Variants in SENP2 observed in about 807,000 individuals in gnomAD.
The protein encoded by SENP2 is sentrin-specific protease 2.
A neutral mutation model predicts 86.3 loss-of-function variants in SENP2; 16 were observed. The ratio of observed to expected loss-of-function variants is 0.19; its 90% CI spans 0.13 to 0.28. The LOEUF (loss-of-function observed/expected upper bound fraction) is 0.28. SENP2 is among the 10% of genes least tolerant of loss of function. SENP2 has a pLI of 1.00. For synonymous variants in SENP2, 222 were observed against 238.7 expected, an observed-to-expected ratio of 0.93 and a Z score of 0.64; for missense variants, 552 against 703.0, an observed-to-expected ratio of 0.79 and a Z score of 2.43.
chr3:185,609,129 T>C (rs527862950), intron 6 of SENP2, 118 bp from the exon 7 acceptor site: 36 of 638,044 alleles, frequency 5.6e-5, no homozygotes, highest in Non-Finnish European at 6.7e-5. Flanking sequence ...AGTAATTAAT[T>C]CAAAGAAATA....
Position 185,626,389 on chromosome 3 carries a change from C to G in SENP2, c.1703C>G (p.Thr568Ser), listed in dbSNP as rs1377891730. The G allele has an allele frequency of 6.3e-7, 1 of 1,598,854 alleles. No homozygotes were observed. The highest frequency in any genetic ancestry group is 1.3e-5 in the African/African-American group (1 of 74,634). The change falls in exon 16 of 17, where the codon ACT becomes AGT. Residue 568 changes from threonine (T) to serine (S), a missense_variant. This residue lies in a region of SENP2 where 169 missense variants were observed against 275.7 expected (regional missense o/e 0.61). Coordinates refer to ENST00000296257, the MANE Select transcript of SENP2 (RefSeq NM_021627.3). ...TCTAGGGACAAACCTATCACATTTA[C>G]TCAGGTGAGTGAAGACCCTCTTCAT... Reference protein sequence around the residue: ...YISRDKPITFTQHQMPLFRKK... With the variant: ...YISRDKPITFSQHQMPLFRKK...
At position 185,632,589 on chromosome 3, in the gene SENP2, A is replaced by C. The variant is rs1235616942; in HGVS notation, c.*2745A>C. ...GCCCAGGCTGGAGTGCAATGGCGCT[A>C]TCTCAGCTCACTGCAACCCCCACCT... On this transcript the variant is annotated 3_prime_UTR_variant, in exon 17 of 17. Coordinates refer to ENST00000296257, the MANE Select transcript of SENP2 (RefSeq NM_021627.3). 1 of 152,170 alleles carries C rather than the reference A, an allele frequency of 6.6e-6. No homozygotes were observed. The highest frequency in any genetic ancestry group is 3.3e-3 in the Middle Eastern group (1 of 300). The allele number at this position is 152,170 out of a possible 1,614,324, so 9.4% of individuals were successfully genotyped here.
At chr3:185,597,802 C>T (rs1017820368) in intron 2 of SENP2, among the ~76,000 whole-genome samples, 4 of 151,732 alleles carry the variant, frequency 2.6e-5, no homozygotes, top group South Asian at 4.2e-4. Flanking sequence ...TATAGGGATG[C>T]GCCACCACGC....
intron 2 of SENP2, among the ~76,000 whole-genome samples, chr3:185,591,619 G>C (rs993440743): frequency 4.6e-5 from 7 of 152,176 alleles, no homozygotes; most frequent in Non-Finnish European, 8.8e-5. Context: ...CCAAAGTGCT[G>C]GGATTACAGG....
At chr3:185,614,770 A>G in intron 11 of SENP2, 30 bp downstream of exon 11, 1 of 1,599,210 alleles carries the variant, frequency 6.3e-7, no homozygotes, top group Admixed American at 1.8e-5. Flanking sequence ...TCCTAAAAAG[A>G]GGCATGTCTT....
Position 185,611,760 on chromosome 3 carries a change from TTAGCCTTGTCTTAATA to T in SENP2, c.817+18_817+33del. 6.3e-7 allele frequency: 1 copy of T among 1,581,938 alleles called. No homozygotes were observed. The highest frequency in any genetic ancestry group is 8.7e-7 in the Non-Finnish European group (1 of 1,153,476). On this transcript the variant is annotated intron_variant, in intron 8 of 16. Coordinates refer to ENST00000296257, the MANE Select transcript of SENP2 (RefSeq NM_021627.3). ...TCCAAAACAATGTGAGTTCCCAGAT[TTAGCCTTGTCTTAATA>T]TATTGACCTTAGTTCATGCTACAGT... is the stretch of plus-strand genomic sequence containing the variant.
In SENP2 at chr3:185,624,606, T is replaced by C. The variant is rs572999127; in HGVS notation, c.1611+524T>C. Reference sequence around the variant, plus strand: ...ACTGAAAAGTTTGGGCCAGGCGCGGTGGCTCACACTTGTAATCCCAGCACT... The same window carrying C: ...ACTGAAAAGTTTGGGCCAGGCGCGGCGGCTCACACTTGTAATCCCAGCACT... On this transcript the variant is annotated intron_variant, in intron 15 of 16. Coordinates refer to ENST00000296257, the MANE Select transcript of SENP2 (RefSeq NM_021627.3). 4.2e-3 allele frequency among the ~76,000 whole-genome samples: 642 copies of C among 152,060 alleles called. 6 individuals carry two copies. The highest frequency in any genetic ancestry group is 0.015 in the African/African-American group (605 of 41,520).
intron 7 of SENP2, among the ~76,000 whole-genome samples, chr3:185,610,966 T>G (rs1722669825): frequency 6.7e-6 from 1 of 149,026 alleles, no homozygotes; most frequent in Non-Finnish European, 1.5e-5. Context: ...TCAAAATAAA[T>G]AAATAAATAA....
intron 7 of SENP2, among the ~76,000 whole-genome samples, chr3:185,610,154 CTT>C (rs557832407): frequency 0.063 from 7,191 of 114,226 alleles, 189 homozygotes; most frequent in South Asian, 0.24. Flanking sequence ...TATTATCTAG[CTT>C]TTTTTTTTTT....
intron 1 of SENP2, among the ~76,000 whole-genome samples, chr3:185,587,619 T>C (rs996780749): frequency 1.4e-5 from 2 of 145,698 alleles, no homozygotes; most frequent in African/African-American, 5.1e-5. Context: ...CAGGCTGGAG[T>C]GCAGTGGCGC....
chr3:185,617,342 A>T (rs1367390268), intron 11 of SENP2, 138 bp from the exon 12 acceptor site: 2 of 542,522 alleles, frequency 3.7e-6, no homozygotes, highest in Non-Finnish European at 6.3e-6. Flanking sequence ...ACTGTAGTTT[A>T]GTAGGTCTTT....
At chr3:185,628,550 A>G (rs1712256883) in intron 16 of SENP2, among the ~76,000 whole-genome samples, 1 of 152,212 alleles carries the variant, frequency 6.6e-6, no homozygotes, top group South Asian at 2.1e-4. Flanking sequence ...CTTGTTGCCC[A>G]GGCTGGAGTG....
chr3:185,622,855 A>G (rs1711954083), intron 14 of SENP2, among the ~76,000 whole-genome samples: 2 of 116,570 alleles, frequency 1.7e-5, no homozygotes, highest in South Asian at 5.2e-4. Flanking sequence ...ATGGAGTCTC[A>G]TTGTGTCACC....
In SENP2 at chr3:185,633,326, C is replaced by T. The variant is rs879532263; in HGVS notation, c.*3482C>T. On this transcript the variant is annotated 3_prime_UTR_variant, in exon 17 of 17. Transcript: ENST00000296257. ...TAGCTTTTGTGAACTGATTGGGAAC[C>T]TAATCTCTTTTGTAACTGTTTGAGA... The T allele has an allele frequency of 6.6e-6, 1 of 152,156 alleles. No homozygotes were observed. The highest frequency in any genetic ancestry group is 1.5e-5 in the Non-Finnish European group (1 of 68,024). The allele number at this position is 152,156 out of a possible 1,614,324, so 9.4% of individuals were successfully genotyped here. A position where few individuals can be genotyped will look rare whatever the true frequency, so the allele number is the denominator to read the frequency against.
chr3:185,632,987 G>A lies in SENP2; in HGVS notation c.*3143G>A, dbSNP rs1712561012. 6.6e-6 allele frequency: 1 copy of A among 152,200 alleles called. No individual in the cohort carries two copies. Among genetic ancestry groups the A allele is most frequent in the Non-Finnish European group, 1.5e-5 (1 of 68,040 alleles). The allele number at this position is 152,200 out of a possible 1,614,324, so 9.4% of individuals were successfully genotyped here. On this transcript the variant is annotated 3_prime_UTR_variant, in exon 17 of 17. Transcript: ENST00000296257. ...TTGACCTTGAACAGAGCTGGATGGG[G>A]GTGGGAGGGAAACAGATTTGGGGCA...
At position 185,612,589 on chromosome 3, in the gene SENP2, T is replaced by C; in HGVS notation, c.818-18T>C. 1 of 1,585,098 alleles carries C rather than the reference T, an allele frequency of 6.3e-7. No individual in the cohort carries two copies. On this transcript the variant is annotated intron_variant, in intron 8 of 16. Transcript: ENST00000296257. Reference sequence around the variant, plus strand: ...TCGATGAAGGAAACATTTAATCTTTTCTTTACCATCCTCACAGATAGACTT... The same window carrying C: ...TCGATGAAGGAAACATTTAATCTTTCCTTTACCATCCTCACAGATAGACTT...
rs143767358 is a variant in SENP2 at position 185,589,892 on chromosome 3, C to T, written c.102-222C>T. On this transcript the variant is annotated intron_variant, in intron 1 of 16. Coordinates refer to ENST00000296257, the MANE Select transcript of SENP2 (RefSeq NM_021627.3). ...CTTTGTTGCCCAGGCTGATGTCAAA[C>T]TCCAAGGCTCAAGCGATCCTCCCCC... Among the ~76,000 whole-genome samples the T allele has an allele frequency of 4.5e-3, 683 of 152,210 alleles. 6 individuals are homozygous for T. Among genetic ancestry groups the T allele is most frequent in the African/African-American group, 0.015 (630 of 41,544 alleles).
At position 185,595,903 on chromosome 3, in the gene SENP2, C is replaced by T. The variant is rs550164806; in HGVS notation, c.158-2509C>T. On this transcript the variant is annotated intron_variant, in intron 2 of 16. Coordinates refer to ENST00000296257, the MANE Select transcript of SENP2 (RefSeq NM_021627.3). Reference sequence around the variant, plus strand: ...GCAACCTCTACCTCCCGGGTTCCAACGATTCTTCTGCTTTAGCCTCCCAAG... The same window carrying T: ...GCAACCTCTACCTCCCGGGTTCCAATGATTCTTCTGCTTTAGCCTCCCAAG... 1.4e-3 allele frequency among the ~76,000 whole-genome samples: 217 copies of T among 151,174 alleles called. 1 individual carries two copies. The highest frequency in any genetic ancestry group is 5.1e-3 in the African/African-American group (209 of 41,166).
intron 13 of SENP2, among the ~76,000 whole-genome samples, chr3:185,620,455 G>GT: frequency 1.3e-5 from 2 of 151,850 alleles, no homozygotes; most frequent in East Asian, 3.9e-4. Context: ...TTGTTTGTAT[G>GT]TTTTTGAGAT....
Sources: allele counts gnomAD v4.1 joint callset (sites outside exome capture counted in the v4.1 genomes callset), GRCh38; gene constraint gnomAD v4.1.1; regional missense constraint gnomAD v4.1.1; transcripts MANE v1.5; gene names NCBI Gene and HGNC (gene_info 2026-07-23, HGNC 2026-07-21).